SCLT1: variants seen among roughly 807,000 people sequenced by gnomAD.
SCLT1 encodes the protein sodium channel-associated protein 1.
Under a neutral mutation model 112.8 loss-of-function variants are expected in SCLT1, and 78 were observed. The ratio of observed to expected loss-of-function variants is 0.69; its 90% confidence interval spans 0.58 to 0.83. The LOEUF is 0.83. Among genes scored for constraint, SCLT1 ranks in the 40% least tolerant of loss-of-function variants. The pLI, the probability that SCLT1 is intolerant of heterozygous loss-of-function variation, is 0.00. For synonymous variants in SCLT1, 257 were observed against 254.7 expected, an observed-to-expected ratio of 1.01 and a Z score of -0.09; for missense variants, 747 against 770.4, an observed-to-expected ratio of 0.97 and a Z score of 0.36.
intron 18 of SCLT1, among the ~76,000 whole-genome samples, chr4:128,912,710 C>T (rs71612193): frequency 6.6e-6 from 1 of 151,908 alleles, no homozygotes; most frequent in Middle Eastern, 3.4e-3. Flanking sequence ...TCCTCCTCTT[C>T]CCCTCCTCCT....
chr4:128,940,873 TTTAA>T (rs1401526332), intron 17 of SCLT1, among the ~76,000 whole-genome samples: 5 of 152,246 alleles, frequency 3.3e-5, no homozygotes, highest in Admixed American at 1.3e-4. Flanking sequence ...TATGAAATAT[TTTAA>T]TTACTTTCTT....
chr4:129,015,125 T>C (rs1490302589), intron 5 of SCLT1, among the ~76,000 whole-genome samples: 2 of 152,106 alleles, frequency 1.3e-5, no homozygotes, highest in Non-Finnish European at 2.9e-5. Flanking sequence ...ACCAAGGCTC[T>C]GTCTGCAATG....
chr4:128,924,159 A>G (rs1736108241), intron 18 of SCLT1, among the ~76,000 whole-genome samples: 1 of 152,150 alleles, frequency 6.6e-6, no homozygotes, highest in African/African-American at 2.4e-5. Flanking sequence ...GATTAAAAAA[A>G]AATCAAGTAC....
chr4:128,885,308 G>T (rs972743076), intron 20 of SCLT1, among the ~76,000 whole-genome samples: 2 of 152,136 alleles, frequency 1.3e-5, no homozygotes, highest in African/African-American at 4.8e-5. Flanking sequence ...TCCCATTGCT[G>T]TCTTTCATTC....
intron 15 of SCLT1, among the ~76,000 whole-genome samples, chr4:128,946,675 G>A (rs1485407313): frequency 6.6e-6 from 1 of 152,186 alleles, no homozygotes; most frequent in Non-Finnish European, 1.5e-5. Context: ...TGTCAACTTA[G>A]AGATAACCAC....
intron 18 of SCLT1, among the ~76,000 whole-genome samples, chr4:128,925,101 C>T (rs1736191372): frequency 6.6e-6 from 1 of 152,084 alleles, no homozygotes; most frequent in Admixed American, 6.5e-5. Flanking sequence ...AGCTTGGGAG[C>T]AGATCCTTTC....
chr4:128,887,422 T>C (rs911907243), intron 20 of SCLT1, among the ~76,000 whole-genome samples: 3 of 152,066 alleles, frequency 2.0e-5, no homozygotes, highest in Admixed American at 6.6e-5. Context: ...AATCTGTAAA[T>C]ATCATGAACA....
intron 5 of SCLT1, among the ~76,000 whole-genome samples, chr4:129,008,977 C>T (rs548627021): frequency 1.3e-5 from 2 of 152,300 alleles, no homozygotes; most frequent in African/African-American, 4.8e-5. Flanking sequence ...ATCTATGTTC[C>T]TGCAAAGGAC....
chr4:128,995,598 A>G (rs983379074), intron 8 of SCLT1, among the ~76,000 whole-genome samples: 1 of 151,962 alleles, frequency 6.6e-6, no homozygotes, highest in Non-Finnish European at 1.5e-5. Flanking sequence ...ACCCCCACAA[A>G]TCAGCTGGCC....
At chr4:129,052,465 G>T (rs1424696833) in intron 2 of SCLT1, among the ~76,000 whole-genome samples, 1 of 151,572 alleles carries the variant, frequency 6.6e-6, no homozygotes, top group Non-Finnish European at 1.5e-5. Flanking sequence ...GGGTGTATGT[G>T]TTCAGGAATT....
intron 4 of SCLT1, chr4:129,040,133 T>C (rs1483656711): frequency 2.9e-6 from 2 of 701,600 alleles, no homozygotes; most frequent in Admixed American, 2.0e-5. Flanking sequence ...TCAAGGAAGC[T>C]TGGTCTAGGA....
chr4:129,029,383 T>C (rs1579769350), intron 5 of SCLT1, among the ~76,000 whole-genome samples: 1 of 152,110 alleles, frequency 6.6e-6, no homozygotes, highest in African/African-American at 2.4e-5. Context: ...TGTAGAGACA[T>C]GGATGAAGCT....
At chr4:128,945,595 A>G (rs1738083659) in intron 16 of SCLT1, among the ~76,000 whole-genome samples, 1 of 152,136 alleles carries the variant, frequency 6.6e-6, no homozygotes, top group Admixed American at 6.6e-5. Flanking sequence ...ATAAAATGGT[A>G]TGTCAAATTA....
chr4:128,973,753 T>C (rs182900786), intron 9 of SCLT1, among the ~76,000 whole-genome samples: 127 of 152,134 alleles, frequency 8.3e-4, no homozygotes, highest in Non-Finnish European at 6.9e-4. Flanking sequence ...GAAGTCATTA[T>C]AAAAAAAATT....
chr4:128,875,881 T>C (rs1732507491), intron 4 of SCLT1, among the ~76,000 whole-genome samples: 1 of 152,236 alleles, frequency 6.6e-6, no homozygotes, highest in Admixed American at 6.5e-5. Flanking sequence ...CATTAAATGC[T>C]TTCTTTTGAT....
Position 128,959,669 on chromosome 4 carries a change from T to G in SCLT1, c.978A>C (p.Arg326Ser). Residue 326 changes from arginine (R) to serine (S), a missense_variant, in exon 12 of 21, where the codon AGA becomes AGC. Physicochemically the swap from Arg to Ser is moderately radical, Grantham distance 110. Around this residue, in one of 2 missense-constraint regions of SCLT1, gnomAD observed 723 missense variants for 721.3 expected, o/e 1.00. Coordinates refer to ENST00000281142, the MANE Select transcript of SCLT1 (RefSeq NM_144643.4). ...QAKCNELENE[R>S]YEAIVRARNS... is the part of the protein sequence containing the mutation. ...TTCTGGCTCTTACAATAGCCTCATA[T>G]CTCTCATTTTCTAATTCATTGCACT... 1.2e-6 allele frequency: 2 copies of G among 1,613,376 alleles called. No homozygotes were observed. Among genetic ancestry groups the G allele is most frequent in the Non-Finnish European group, 1.7e-6 (2 of 1,179,480 alleles).
chr4:128,928,634 C>A (rs1736494503), intron 18 of SCLT1, among the ~76,000 whole-genome samples: 1 of 152,104 alleles, frequency 6.6e-6, no homozygotes, highest in African/African-American at 2.4e-5. Context: ...GAGTTTGAGA[C>A]CAGCCTGACT....
chr4:128,992,354 GA>G, intron 8 of SCLT1, 117 bp from the exon 9 acceptor site: 2 of 610,034 alleles, frequency 3.3e-6, no homozygotes, highest in Non-Finnish European at 5.4e-6. Flanking sequence ...ATAAAGATTA[GA>G]TTTTTTGAGG....
intron 1 of SCLT1, among the ~76,000 whole-genome samples, chr4:129,083,066 C>T (rs1752081442): frequency 6.6e-6 from 1 of 151,520 alleles, no homozygotes; most frequent in Admixed American, 6.6e-5. Context: ...TGGCATGCGC[C>T]TGTAATCCCA....
Sources: gnomAD v4.1 joint callset for allele counts (sites outside exome capture counted in the v4.1 genomes callset) on GRCh38, gnomAD v4.1.1 for gene constraint, gnomAD v4.1.1 regional missense constraint, MANE v1.5 for transcripts, NCBI Gene and HGNC (gene_info 2026-07-23, HGNC 2026-07-21) for gene names.